MTA3: variants seen among roughly 807,000 people sequenced by gnomAD.
MTA3 encodes metastasis-associated protein MTA3.
In MTA3, 34 loss-of-function variants were observed where a neutral mutation model predicts 83.5. The ratio of observed to expected loss-of-function variants is 0.41; its 90% confidence interval spans 0.31 to 0.54. MTA3 has a LOEUF of 0.54. Ranked by LOEUF, MTA3 falls within the 20% of genes least tolerant of loss-of-function variation. The pLI, the probability that MTA3 is intolerant of heterozygous loss-of-function variation, is 0.33. For missense variants in MTA3, 761 were observed against 726.4 expected, an observed-to-expected ratio of 1.05 and a Z score of -0.55; for synonymous variants, 303 against 252.7, an observed-to-expected ratio of 1.20 and a Z score of -1.89.
intron 3 of MTA3, among the ~76,000 whole-genome samples, chr2:42,590,313 C>T (rs775225226): frequency 7.9e-5 from 12 of 152,154 alleles, no homozygotes; most frequent in South Asian, 2.1e-4. Flanking sequence ...CTGGAGTAGA[C>T]GTGACTTCTC....
intron 11 of MTA3, chr2:42,698,465 T>C (rs1311965638): frequency 6.6e-6 from 1 of 152,142 alleles, no homozygotes; most frequent in Non-Finnish European, 1.5e-5. Flanking sequence ...GGGAACCTCG[T>C]TTCTGCAAAA....
chr2:42,690,847 G>A (rs1045367084), intron 9 of MTA3, among the ~76,000 whole-genome samples: 1 of 131,148 alleles, frequency 7.6e-6, no homozygotes, highest in Non-Finnish European at 1.6e-5. Context: ...GCTAATTTTT[G>A]TATTTTTATT....
chr2:42,603,679 A>G lies in MTA3; in HGVS notation c.191-5779A>G, dbSNP rs568114257. Among the ~76,000 whole-genome samples, 108 of 152,350 alleles carry G rather than the reference A, an allele frequency of 7.1e-4. 2 individuals are homozygous for G. The highest frequency in any genetic ancestry group is 2.5e-3 in the African/African-American group (102 of 41,574). ...TTTCATTTAATATGTACTTTAAGGT[A>G]AGATTTCTTTTGCATTTAGTTCAGC... is the stretch of plus-strand genomic sequence containing the variant. On this transcript the variant is annotated intron_variant, in intron 3 of 16. Coordinates refer to ENST00000405094, the MANE Select transcript of MTA3 (RefSeq NM_001330442.2).
chr2:42,586,820 C>T (rs1319469904), intron 3 of MTA3, among the ~76,000 whole-genome samples: 1 of 152,080 alleles, frequency 6.6e-6, no homozygotes, highest in Non-Finnish European at 1.5e-5. Context: ...GTCAGAAGAT[C>T]GAGACCATCC....
At chr2:42,749,051 G>C (rs1405691914) in intron 16 of MTA3, among the ~76,000 whole-genome samples, 3 of 152,200 alleles carry the variant, frequency 2.0e-5, no homozygotes, top group East Asian at 1.9e-4. Flanking sequence ...TCACTGCTCG[G>C]CTCCTTGAGC....
intron 2 of MTA3, among the ~76,000 whole-genome samples, chr2:42,538,208 G>A (rs1676341509): frequency 6.6e-6 from 1 of 152,052 alleles, no homozygotes; most frequent in South Asian, 2.1e-4. Context: ...ACTCCAGCCT[G>A]GGCGACACAG....
chr2:42,501,454 G>C (rs1674391873), intron 2 of MTA3, among the ~76,000 whole-genome samples: 2 of 152,110 alleles, frequency 1.3e-5, no homozygotes, highest in South Asian at 4.2e-4. Flanking sequence ...GGCATATTCT[G>C]ATTCCCTGCA....
chr2:42,734,028 T>C (rs1668428041), intron 16 of MTA3, among the ~76,000 whole-genome samples: 1 of 152,184 alleles, frequency 6.6e-6, no homozygotes, highest in Non-Finnish European at 1.5e-5. Flanking sequence ...GTTCTGTAAA[T>C]ATTTATTGGG....
At chr2:42,620,318 C>T (rs1427230165) in intron 4 of MTA3, among the ~76,000 whole-genome samples, 22 of 151,972 alleles carry the variant, frequency 1.4e-4, no homozygotes, top group Admixed American at 1.4e-3. Context: ...GGTGTTTTAC[C>T]ATGTTGGCCA....
At chr2:42,605,737 G>A (rs1683236103) in intron 3 of MTA3, among the ~76,000 whole-genome samples, 1 of 127,542 alleles carries the variant, frequency 7.8e-6, no homozygotes, top group Non-Finnish European at 1.7e-5. Flanking sequence ...CTCCCTCCTG[G>A]ATGGGGCGGC....
At chr2:42,675,066 G>A (rs1691212604) in intron 8 of MTA3, among the ~76,000 whole-genome samples, 1 of 151,998 alleles carries the variant, frequency 6.6e-6, no homozygotes. Flanking sequence ...GGGATTACAT[G>A]CCTGAGCCAA....
intron 2 of MTA3, among the ~76,000 whole-genome samples, chr2:42,504,027 G>A (rs562961066): frequency 1.3e-5 from 2 of 149,782 alleles, no homozygotes; most frequent in Middle Eastern, 3.4e-3. Flanking sequence ...GGGTTCAAGC[G>A]ATTCTCCTGC....
intron 3 of MTA3, among the ~76,000 whole-genome samples, chr2:42,590,328 T>G (rs1370994086): frequency 6.6e-6 from 1 of 152,156 alleles, no homozygotes; most frequent in Non-Finnish European, 1.5e-5. Context: ...CTTCTCACTT[T>G]GTTAGTTCCC....
Position 42,754,616 on chromosome 2 carries a change from C to CTGCAAACTCCTG in MTA3, c.*1220_*1221insAAACTCCTGTGC. 1 of 985,516 alleles carries CTGCAAACTCCTG rather than the reference C, an allele frequency of 1.0e-6. No individual in the cohort carries two copies. The highest frequency in any genetic ancestry group is 1.2e-6 in the Non-Finnish European group (1 of 829,986). The allele number at this position is 985,516 out of a possible 1,614,324, so 61.0% of individuals were successfully genotyped here. A position where few individuals can be genotyped will look rare whatever the true frequency, so the allele number is the denominator to read the frequency against. Reference sequence around the variant, plus strand: ...AGCAGATGTGAGGCTGGCAACTCCCCTGCCCTCTGTTTGCAGGCACAGGGT... The same window carrying CTGCAAACTCCTG: ...AGCAGATGTGAGGCTGGCAACTCCCCTGCAAACTCCTGTGCCCTCTGTTTGCAGGCACAGGGT... On this transcript the variant is annotated 3_prime_UTR_variant, in exon 17 of 17. Coordinates refer to ENST00000405094, the MANE Select transcript of MTA3 (RefSeq NM_001330442.2).
intron 7 of MTA3, 48 bp from the exon 8 acceptor site, chr2:42,659,710 ACAAAC>A: frequency 3.0e-6 from 4 of 1,347,372 alleles, no homozygotes; most frequent in Non-Finnish European, 3.9e-6. Context: ...CGTTAAAAAA[ACAAAC>A]CAAAACAGAT....
upstream of MTA3, among the ~76,000 whole-genome samples, chr2:42,566,733 C>T (rs544240796): frequency 6.6e-6 from 1 of 152,108 alleles, no homozygotes; most frequent in Non-Finnish European, 1.5e-5. Context: ...GGAAAGATTT[C>T]GAAGGAGGAG....
intron 3 of MTA3, among the ~76,000 whole-genome samples, chr2:42,581,128 A>G (rs1679573325): frequency 6.6e-6 from 1 of 152,126 alleles, no homozygotes; most frequent in Non-Finnish European, 1.5e-5. Context: ...GAAAGTGTTC[A>G]TTATTTCAAT....
At chr2:42,637,726 C>T (rs751019564) in intron 4 of MTA3, among the ~76,000 whole-genome samples, 3 of 152,068 alleles carry the variant, frequency 2.0e-5, no homozygotes, top group Non-Finnish European at 4.4e-5. Context: ...ACTTAGATCA[C>T]TTATTATCCT....
chr2:42,637,385 A>G (rs767453519), intron 4 of MTA3, among the ~76,000 whole-genome samples: 8 of 152,218 alleles, frequency 5.3e-5, no homozygotes, highest in African/African-American at 1.9e-4. Context: ...CTTGAGACTC[A>G]GTATAAATTG....
Sources: gnomAD v4.1 joint callset for allele counts (sites outside exome capture counted in the v4.1 genomes callset) on GRCh38, gnomAD v4.1.1 for gene constraint, MANE v1.5 for transcripts, NCBI Gene and HGNC (gene_info 2026-07-23, HGNC 2026-07-21) for gene names.